STK39: variants seen among roughly 807,000 people sequenced by gnomAD.
STK39 encodes STE20/SPS1-related proline-alanine-rich protein kinase.
STK39 carries 20 observed loss-of-function variants against 77.8 expected under a neutral mutation model. That is an observed-to-expected ratio of 0.26 (90% CI 0.18 to 0.37). The LOEUF is 0.37. STK39 is among the 10% of genes least tolerant of loss of function. STK39 has a pLI of 1.00. For missense variants in STK39, 479 were observed against 656.5 expected (o/e 0.73, Z 2.95); for synonymous variants, 246 against 234.1 (o/e 1.05, Z -0.47).
intron 15 of STK39, among the ~76,000 whole-genome samples, chr2:168,016,387 CAAAAAAA>C (rs869084308): frequency 2.4e-3 from 155 of 65,688 alleles, no homozygotes; most frequent in African/African-American, 7.7e-3. Context: ...GGCCTTTGTT[CAAAAAAA>C]AAAAAAAAAA....
chr2:168,207,786 TC>T (rs11338443), intron 1 of STK39, among the ~76,000 whole-genome samples: 48,484 of 152,068 alleles, frequency 0.32, 7,995 homozygotes, highest in East Asian at 0.46. Flanking sequence ...GTATTTAGCC[TC>T]GTGTTACAGA....
intron 10 of STK39, among the ~76,000 whole-genome samples, chr2:168,086,277 A>G: frequency 6.6e-6 from 1 of 152,204 alleles, no homozygotes; most frequent in East Asian, 1.9e-4. Context: ...CATGTTTTCT[A>G]ATTGTGTATA....
chr2:168,174,238 A>C (rs1381703262), intron 2 of STK39, among the ~76,000 whole-genome samples: 1 of 152,216 alleles, frequency 6.6e-6, no homozygotes, highest in East Asian at 1.9e-4. Context: ...AAAAAGTGTA[A>C]AGTGTCAGGG....
intron 10 of STK39, among the ~76,000 whole-genome samples, chr2:168,100,925 C>CT (rs1686806536): frequency 6.6e-6 from 1 of 151,038 alleles, no homozygotes; most frequent in South Asian, 2.1e-4. Flanking sequence ...TATTGTGGCA[C>CT]TATTCACAAT....
chr2:168,138,150 T>C lies in STK39; in HGVS notation c.912A>G (p.Lys304=), dbSNP rs1440380085. ...ETGVEDKEMM[K]KYGKSFRKLL... is the part of the protein sequence containing the mutation. ...ATTTTCTAAAGGACTTGCCGTACTT[T>C]TTCATCATTTCTTTATCCTCTACCC... The change falls in exon 8 of 18, where the codon AAA becomes AAG. Residue 304 remains lysine, a synonymous_variant. Coordinates refer to ENST00000355999, the MANE Select transcript of STK39 (RefSeq NM_013233.3). 3 of 1,613,914 alleles carry C rather than the reference T, an allele frequency of 1.9e-6. No individual in the cohort carries two copies. Among genetic ancestry groups the C allele is most frequent in the Admixed American group, 3.3e-5 (2 of 60,008 alleles).
intron 12 of STK39, among the ~76,000 whole-genome samples, chr2:168,069,593 T>TA (rs74992322): frequency 0.12 from 17,811 of 152,270 alleles, 1,410 homozygotes; most frequent in East Asian, 0.19. Flanking sequence ...GATGGACATT[T>TA]AAAACAAATC....
intron 14 of STK39, among the ~76,000 whole-genome samples, chr2:168,050,895 T>A (rs921914555): frequency 1.3e-5 from 2 of 152,206 alleles, no homozygotes; most frequent in African/African-American, 4.8e-5. Flanking sequence ...TTAACAACTG[T>A]ATGAATTTTA....
intron 10 of STK39, among the ~76,000 whole-genome samples, chr2:168,114,511 G>A (rs1687207873): frequency 6.6e-6 from 1 of 152,274 alleles, no homozygotes; most frequent in Non-Finnish European, 1.5e-5. Flanking sequence ...TGGAGGTTGG[G>A]AAGGTGGGGA....
At chr2:168,130,457 T>C (rs995684332) in intron 8 of STK39, among the ~76,000 whole-genome samples, 5 of 152,210 alleles carry the variant, frequency 3.3e-5, no homozygotes, top group Admixed American at 2.6e-4. Context: ...TCATAGATGA[T>C]GGCACACACT....
chr2:168,006,886 G>A (rs971811079), intron 16 of STK39, among the ~76,000 whole-genome samples: 10 of 152,110 alleles, frequency 6.6e-5, no homozygotes, highest in African/African-American at 2.4e-4. Context: ...CACTATACTG[G>A]CCCTTCTTCA....
intron 1 of STK39, among the ~76,000 whole-genome samples, chr2:168,198,740 T>C (rs1340877053): frequency 6.6e-6 from 1 of 152,216 alleles, no homozygotes; most frequent in African/African-American, 2.4e-5. Context: ...CAGCGTTCAC[T>C]AGGTGGCTAA....
intron 1 of STK39, among the ~76,000 whole-genome samples, chr2:168,199,559 G>A (rs961949187): frequency 6.7e-6 from 1 of 148,864 alleles, no homozygotes; most frequent in African/African-American, 2.5e-5. Flanking sequence ...ACAGAGTCTC[G>A]CTCTGTTGCC....
intron 14 of STK39, among the ~76,000 whole-genome samples, chr2:168,057,937 T>C (rs1685568578): frequency 1.3e-5 from 2 of 152,162 alleles, no homozygotes; most frequent in South Asian, 2.1e-4. Context: ...TCTGAGAACA[T>C]CAGTCTGGCA....
At chr2:167,955,784 A>G (rs1159640314) in intron 17 of STK39, among the ~76,000 whole-genome samples, 2 of 152,364 alleles carry the variant, frequency 1.3e-5, no homozygotes, top group Middle Eastern at 3.4e-3. Flanking sequence ...GAAGTACAGA[A>G]CAGAGGTGGG....
intron 1 of STK39, among the ~76,000 whole-genome samples, chr2:168,217,592 C>T (rs1243002637): frequency 3.3e-5 from 5 of 152,172 alleles, no homozygotes; most frequent in Non-Finnish European, 7.3e-5. Context: ...TTCATGGATG[C>T]TCAAGAACCC....
chr2:168,227,785 G>A (rs888106524), intron 1 of STK39, among the ~76,000 whole-genome samples: 16 of 152,250 alleles, frequency 1.1e-4, no homozygotes, highest in South Asian at 6.2e-4. Flanking sequence ...AGCCTCCCGA[G>A]TAGCTGAGAC....
chr2:168,050,435 G>A (rs1685364951), intron 14 of STK39, among the ~76,000 whole-genome samples: 1 of 152,244 alleles, frequency 6.6e-6, no homozygotes, highest in Non-Finnish European at 1.5e-5. Flanking sequence ...TTTGGTAGAT[G>A]TAATTAAATT....
At chr2:168,049,277 T>C (rs1039379886) in intron 14 of STK39, among the ~76,000 whole-genome samples, 1 of 152,174 alleles carries the variant, frequency 6.6e-6, no homozygotes, top group Non-Finnish European at 1.5e-5. Flanking sequence ...GGCAGAGAGA[T>C]AGATAAGCTC....
chr2:168,027,422 G>C (rs1005047018), intron 14 of STK39, among the ~76,000 whole-genome samples: 2 of 152,100 alleles, frequency 1.3e-5, no homozygotes, highest in African/African-American at 4.8e-5. Context: ...ATATGCCCCT[G>C]GCCTAGAAAA....
Sources: allele counts gnomAD v4.1 joint callset (sites outside exome capture counted in the v4.1 genomes callset), GRCh38; gene constraint gnomAD v4.1.1; transcripts MANE v1.5; gene names NCBI Gene and HGNC (gene_info 2026-07-23, HGNC 2026-07-21).